Variants in PRKG1 observed in about 807,000 individuals in gnomAD.
PRKG1 encodes the protein cGMP-dependent protein kinase 1.
A neutral mutation model predicts 88.1 loss-of-function variants in PRKG1; 35 were observed. The ratio of observed to expected loss-of-function variants is 0.40; its 90% CI spans 0.30 to 0.53. The LOEUF is 0.53. Ranked by LOEUF, PRKG1 falls within the 20% of genes least tolerant of loss-of-function variation. The pLI, the probability that PRKG1 is intolerant of heterozygous loss-of-function variation, is 0.59. For missense variants in PRKG1, 540 were observed against 839.8 expected, an observed-to-expected ratio of 0.64 and a Z score of 4.41; for synonymous variants, 303 against 292.5, an observed-to-expected ratio of 1.04 and a Z score of -0.37.
chr10:51,934,381 T>C (rs1040926073), intron 5 of PRKG1, among the ~76,000 whole-genome samples: 3 of 152,148 alleles, frequency 2.0e-5, no homozygotes, highest in African/African-American at 7.2e-5. Flanking sequence ...TTTTGAAAAT[T>C]CTATTAGGGA....
Position 51,336,092 on chromosome 10 carries a change from C to A in PRKG1, c.479-131631C>A, listed in dbSNP as rs1164398598. On this transcript the variant is annotated intron_variant, in intron 2 of 17. Coordinates refer to ENST00000373980, the MANE Select transcript of PRKG1 (RefSeq NM_006258.4). The stretch of plus-strand genomic sequence containing the variant: ...AGCAGGCTAGGCATGGTGGCTCATG[C>A]CTGTAATCCCAACACTTTGGGAGGC... Among the ~76,000 whole-genome samples the A allele has an allele frequency of 2.0e-5, 3 of 152,272 alleles. No individual in the cohort carries two copies. The East Asian group carries it at 5.8e-4, about 29-fold the overall frequency.
rs1469824885 is a variant in PRKG1, at chr10:51,176,741, T to G, written c.478+23411T>G. On this transcript the variant is annotated intron_variant, in intron 2 of 17. Coordinates refer to ENST00000373980, the MANE Select transcript of PRKG1 (RefSeq NM_006258.4). ...GGTGACAGACTAAGAGAAGAGCACC[T>G]CAGACACTGAACCTGCATATGCCAA... 2.0e-5 allele frequency among the ~76,000 whole-genome samples: 3 copies of G among 152,088 alleles called. No homozygotes were observed. In the East Asian group the frequency reaches 5.8e-4, roughly 29 times the overall value.
At chr10:51,728,892 T>C (rs927401787) in intron 3 of PRKG1, among the ~76,000 whole-genome samples, 1 of 152,236 alleles carries the variant, frequency 6.6e-6, no homozygotes, top group South Asian at 2.1e-4. Context: ...GTTAAATATG[T>C]TGTACTTTGG....
At chr10:51,624,563 G>C (rs76506330) in intron 3 of PRKG1, among the ~76,000 whole-genome samples, 5,983 of 152,218 alleles carry the variant, frequency 0.039, 171 homozygotes, top group Middle Eastern at 0.078. Context: ...TTTCTCAGCA[G>C]AATATTCTCA....
chr10:52,086,026 G>T (rs1846904537), intron 7 of PRKG1, among the ~76,000 whole-genome samples: 1 of 151,690 alleles, frequency 6.6e-6, no homozygotes, highest in African/African-American at 2.4e-5. Flanking sequence ...TCTCCCTTTT[G>T]TTTGATCATG....
At chr10:51,858,556 T>C (rs10999799) in intron 4 of PRKG1, among the ~76,000 whole-genome samples, 77,998 of 142,620 alleles carry the variant, frequency 0.55, 23,088 homozygotes, top group South Asian at 0.67. Flanking sequence ...ATATTGCAGA[T>C]TCTAAAAAAA....
Position 51,334,187 on chromosome 10 carries a change from T to G in PRKG1, c.479-133536T>G, listed in dbSNP as rs10996930. Among the ~76,000 whole-genome samples, 7 of 99,542 alleles carry G rather than the reference T, an allele frequency of 7.0e-5. No homozygotes were observed. The South Asian group carries it at 1.5e-3, about 22-fold the overall frequency. The allele number at this position is 99,542 out of a possible 152,430, so 65.3% of individuals were successfully genotyped here. ...CTCTCTCTCTCTCTCTCTCTCTCTC[T>G]CTCTCACTCACACACACATACAAAC... is the stretch of plus-strand genomic sequence containing the variant. On this transcript the variant is annotated intron_variant, in intron 2 of 17. Coordinates refer to ENST00000373980, the MANE Select transcript of PRKG1 (RefSeq NM_006258.4).
intron 1 of PRKG1, among the ~76,000 whole-genome samples, chr10:51,021,011 C>T (rs758687593): frequency 1.4e-4 from 22 of 152,016 alleles, no homozygotes; most frequent in Admixed American, 7.9e-4. Flanking sequence ...TGTTGAAATT[C>T]GTACCTATGT....
At position 52,289,992 on chromosome 10, in the gene PRKG1, G is replaced by A. The variant is rs188507565; in HGVS notation, c.1896-232G>A. On this transcript the variant is annotated intron_variant, in intron 16 of 17. Coordinates refer to ENST00000373980, the MANE Select transcript of PRKG1 (RefSeq NM_006258.4). The stretch of plus-strand genomic sequence containing the variant: ...AGAGACATTATGACTGAATTACAAG[G>A]AATAAGTGTTGCATGTTAATTGGTG... Among the ~76,000 whole-genome samples, 33 of 152,258 alleles carry A rather than the reference G, an allele frequency of 2.2e-4. No individual in the cohort carries two copies. The East Asian group carries it at 5.8e-3, about 27-fold the overall frequency.
chr10:52,091,520 A>G (rs1847055623), intron 7 of PRKG1, among the ~76,000 whole-genome samples: 1 of 152,196 alleles, frequency 6.6e-6, no homozygotes, highest in South Asian at 2.1e-4. Flanking sequence ...CATCTTGTCT[A>G]ATCTTTACAG....
At chr10:51,094,543 AT>A (rs921774593) in intron 1 of PRKG1, among the ~76,000 whole-genome samples, 259 of 148,210 alleles carry the variant, frequency 1.7e-3, no homozygotes, top group African/African-American at 4.6e-3. Context: ...TAGAATCCAG[AT>A]TTTTTTTTTT....
chr10:51,830,499 A>G (rs566490675), intron 4 of PRKG1, among the ~76,000 whole-genome samples: 5 of 149,182 alleles, frequency 3.4e-5, no homozygotes, highest in African/African-American at 1.2e-4. Context: ...CTATTGCAAT[A>G]TAATTGTGAT....
At chr10:51,423,555 TTAAG>T (rs1204628188) in intron 2 of PRKG1, among the ~76,000 whole-genome samples, 3 of 152,216 alleles carry the variant, frequency 2.0e-5, no homozygotes, top group African/African-American at 4.8e-5. Flanking sequence ...TCTCATCTAC[TTAAG>T]TATTTCAAAG....
intron 2 of PRKG1, among the ~76,000 whole-genome samples, chr10:51,347,902 A>T (rs1310360625): frequency 9.8e-6 from 1 of 101,838 alleles, no homozygotes; most frequent in Non-Finnish European, 2.2e-5. Context: ...TCTACTAAAA[A>T]TACAAAAAAA....
At chr10:52,101,266 A>G (rs1847286592) in intron 7 of PRKG1, among the ~76,000 whole-genome samples, 1 of 152,182 alleles carries the variant, frequency 6.6e-6, no homozygotes, top group Non-Finnish European at 1.5e-5. Flanking sequence ...CACTGCTAGT[A>G]TTTCAGAGAC....
At chr10:52,105,762 G>A (rs1331659042) in intron 7 of PRKG1, among the ~76,000 whole-genome samples, 1 of 151,700 alleles carries the variant, frequency 6.6e-6, no homozygotes, top group East Asian at 1.9e-4. Flanking sequence ...TTTTCCTGAT[G>A]TTGTCCCTCC....
chr10:51,606,955 G>T (rs1459180159), intron 3 of PRKG1, among the ~76,000 whole-genome samples: 1 of 152,156 alleles, frequency 6.6e-6, no homozygotes, highest in African/African-American at 2.4e-5. Flanking sequence ...GCACTGCCTT[G>T]CTGTAATTGA....
intron 4 of PRKG1, among the ~76,000 whole-genome samples, chr10:51,870,625 G>T (rs1282841282): frequency 6.6e-6 from 1 of 151,946 alleles, no homozygotes; most frequent in African/African-American, 2.4e-5. Flanking sequence ...CATTCTGTCA[G>T]TTTCCCCTCC....
At chr10:52,018,052 C>T (rs1845088658) in intron 5 of PRKG1, among the ~76,000 whole-genome samples, 1 of 151,966 alleles carries the variant, frequency 6.6e-6, no homozygotes, top group South Asian at 2.1e-4. Context: ...ATTTTTTGGC[C>T]ATCCACAGTT....
Sources: allele counts gnomAD v4.1 joint callset (sites outside exome capture counted in the v4.1 genomes callset), GRCh38; gene constraint gnomAD v4.1.1; transcripts MANE v1.5; gene names NCBI Gene and HGNC (gene_info 2026-07-23, HGNC 2026-07-21).